The following COL22A1 variants were observed in gnomAD, a reference collection of about 807,000 sequenced individuals.
The protein encoded by COL22A1 is collagen type XXII alpha 1 chain, also known as collagen alpha-1(XXII) chain.
Under a neutral mutation model 248.9 loss-of-function variants are expected in COL22A1, and 221 were observed. The ratio of observed to expected loss-of-function variants is 0.89; its 90% confidence interval spans 0.80 to 0.99. The LOEUF (loss-of-function observed/expected upper bound fraction) is 0.99, where lower values mean the gene tolerates loss of function less well. Ranked by LOEUF, COL22A1 falls within the 50% of genes least tolerant of loss-of-function variation. The pLI is 0.00. For synonymous variants in COL22A1, 891 were observed against 793.4 expected, an observed-to-expected ratio of 1.12 and a Z score of -2.07; for missense variants, 2,240 against 2,179.0, an observed-to-expected ratio of 1.03 and a Z score of -0.56.
intron 1 of COL22A1, among the ~76,000 whole-genome samples, chr8:138,909,770 G>A (rs1375322843): frequency 6.6e-6 from 1 of 152,066 alleles, no homozygotes; most frequent in Non-Finnish European, 1.5e-5. Flanking sequence ...GGGCTGGCAG[G>A]GCCACCCTCA....
intron 57 of COL22A1, 105 bp from the exon 58 acceptor site, chr8:138,606,557 C>T: frequency 1.8e-6 from 2 of 1,081,812 alleles, no homozygotes; most frequent in Non-Finnish European, 2.7e-6. Flanking sequence ...GAGACATCCA[C>T]ACAACACACA....
At chr8:138,813,354 G>T (rs1442295452) in intron 7 of COL22A1, among the ~76,000 whole-genome samples, 1 of 152,156 alleles carries the variant, frequency 6.6e-6, no homozygotes. Flanking sequence ...TCTCATGGTA[G>T]TGAATAAGTG....
At chr8:138,655,582 G>A (rs1395762211) in intron 45 of COL22A1, among the ~76,000 whole-genome samples, 1 of 152,088 alleles carries the variant, frequency 6.6e-6, no homozygotes, top group Non-Finnish European at 1.5e-5. Context: ...GCCCAGGTTG[G>A]TCTTAAACTC....
chr8:138,642,624 G>C (rs542138065), intron 47 of COL22A1, among the ~76,000 whole-genome samples: 22 of 152,208 alleles, frequency 1.4e-4, no homozygotes, highest in Non-Finnish European at 2.4e-4. Context: ...AAGCAGGGCC[G>C]TTACTGAAAA....
chr8:138,806,777 G>C (rs143309681), intron 10 of COL22A1, among the ~76,000 whole-genome samples: 2 of 152,318 alleles, frequency 1.3e-5, no homozygotes, highest in African/African-American at 4.8e-5. Context: ...GGCACAGGTA[G>C]GCTCCCACTC....
chr8:138,697,627 G>A (rs1332782004), intron 32 of COL22A1, among the ~76,000 whole-genome samples: 3 of 152,090 alleles, frequency 2.0e-5, no homozygotes, highest in Non-Finnish European at 4.4e-5. Flanking sequence ...TCCCAGAGAG[G>A]GTGACAAAAT....
At chr8:138,718,848 A>G (rs898171187) in intron 27 of COL22A1, among the ~76,000 whole-genome samples, 1 of 152,226 alleles carries the variant, frequency 6.6e-6, no homozygotes, top group African/African-American at 2.4e-5. Context: ...AGTGATGATC[A>G]GAAATATAAA....
chr8:138,800,431 TCA>T (rs1263671784), intron 11 of COL22A1, among the ~76,000 whole-genome samples: 3 of 152,160 alleles, frequency 2.0e-5, no homozygotes, highest in African/African-American at 4.8e-5. Context: ...GGGAGTAGAT[TCA>T]CAGAGTTCCT....
intron 21 of COL22A1, among the ~76,000 whole-genome samples, chr8:138,752,002 C>G (rs2131344800): frequency 6.6e-6 from 1 of 152,354 alleles, no homozygotes; most frequent in Admixed American, 6.5e-5. Flanking sequence ...AACACTGGCG[C>G]AGGGAGGGGT....
At chr8:138,683,857 G>A (rs751300363) in intron 39 of COL22A1, among the ~76,000 whole-genome samples, 29 of 152,226 alleles carry the variant, frequency 1.9e-4, no homozygotes, top group Admixed American at 3.3e-4. Flanking sequence ...TAGACCTATC[G>A]CTCTGCCGAT....
At chr8:138,835,764 T>TG (rs774313189) in intron 4 of COL22A1, among the ~76,000 whole-genome samples, 1 of 152,222 alleles carries the variant, frequency 6.6e-6, no homozygotes, top group Non-Finnish European at 1.5e-5. Context: ...ATGAGCTGTG[T>TG]GGCCTTGAGT....
At chr8:138,784,760 A>C (rs1815363339) in intron 12 of COL22A1, among the ~76,000 whole-genome samples, 1 of 152,192 alleles carries the variant, frequency 6.6e-6, no homozygotes, top group Non-Finnish European at 1.5e-5. Flanking sequence ...CAGTTCTATG[A>C]AAGAGACAGA....
chr8:138,810,515 G>A (rs530737839), intron 9 of COL22A1, among the ~76,000 whole-genome samples: 340 of 152,286 alleles, frequency 2.2e-3, no homozygotes, highest in Non-Finnish European at 4.1e-3. Context: ...TCCTGCCTCC[G>A]CCCCATCTCA....
Position 138,700,788 on chromosome 8 carries a change from C to T in COL22A1, c.2560-644G>A, listed in dbSNP as rs532843477. On this transcript the variant is annotated intron_variant, in intron 31 of 64. Transcript: ENST00000303045. ...TCACGAGGTCAGGAGATTGAGACCG[C>T]CCTGGCTAACATGGTGAAACCCAGT... Among the ~76,000 whole-genome samples the T allele has an allele frequency of 3.2e-4, 48 of 152,102 alleles. No individual in the cohort carries two copies. In the South Asian group the frequency reaches 6.0e-3, roughly 19 times the overall value.
chr8:138,755,830 CT>C lies in COL22A1; in HGVS notation c.1903-2del. ...GTGGCCCCGCAGGTCCCACGTCACC[CT>C]GCACAGAAACGACAAACATTTCAGC... is the stretch of plus-strand genomic sequence containing the variant. On this transcript the variant is annotated splice_acceptor_variant, in intron 18 of 64. Transcript: ENST00000303045. LOFTEE classifies it high-confidence loss of function. 1 of 1,614,038 alleles carries C rather than the reference CT, an allele frequency of 6.2e-7. No homozygotes were observed. Among genetic ancestry groups the C allele is most frequent in the African/African-American group, 1.3e-5 (1 of 75,044 alleles).
At chr8:138,607,906 G>A in intron 57 of COL22A1, 30 bp downstream of exon 57, 1 of 1,608,986 alleles carries the variant, frequency 6.2e-7, no homozygotes, top group Non-Finnish European at 8.5e-7. Context: ...CCACCCTGAT[G>A]CCATCACATA....
At chr8:138,773,636 G>A (rs181017328) in intron 16 of COL22A1, among the ~76,000 whole-genome samples, 9 of 152,332 alleles carry the variant, frequency 5.9e-5, no homozygotes, top group Non-Finnish European at 1.0e-4. Context: ...GTAAATATCC[G>A]CCATGTGTTG....
intron 2 of COL22A1, among the ~76,000 whole-genome samples, chr8:138,881,443 T>G (rs1384377657): frequency 1.3e-5 from 2 of 152,124 alleles, no homozygotes; most frequent in Admixed American, 1.3e-4. Flanking sequence ...CCCAGCACTT[T>G]GGGAGGCCGA....
rs572061540 is a variant in COL22A1, at chr8:138,600,476, T to G, written c.4186-1578A>C. Among the ~76,000 whole-genome samples, 8 of 151,680 alleles carry G rather than the reference T, an allele frequency of 5.3e-5. No homozygotes were observed. In the East Asian group the frequency reaches 1.6e-3, roughly 30 times the overall value. ...TAGATAACGTCTGACATGCTCAGAGTGGGGAGGGGGTTAAATACAAGGTAA... is the reference window on the plus strand; with the variant it reads ...TAGATAACGTCTGACATGCTCAGAGGGGGGAGGGGGTTAAATACAAGGTAA... On this transcript the variant is annotated intron_variant, in intron 60 of 64. Transcript: ENST00000303045.
Sources: allele counts gnomAD v4.1 joint callset (sites outside exome capture counted in the v4.1 genomes callset), GRCh38; gene constraint gnomAD v4.1.1; transcripts MANE v1.5; gene names NCBI Gene and HGNC (gene_info 2026-07-23, HGNC 2026-07-21).